Variants in ABR observed in about 807,000 individuals in gnomAD.
ABR encodes active breakpoint cluster region-related protein.
A neutral mutation model predicts 107.2 loss-of-function variants in ABR; 35 were observed. The ratio of observed to expected loss-of-function variants is 0.33; its 90% CI spans 0.25 to 0.43. ABR has a LOEUF of 0.43. ABR is among the 20% of genes least tolerant of loss of function. The pLI, the probability that ABR is intolerant of heterozygous loss-of-function variation, is 1.00. For missense variants in ABR, 815 were observed against 1,115.2 expected (o/e 0.73, Z 3.83); for synonymous variants, 498 against 462.0 (o/e 1.08, Z -1.00).
chr17:1,221,754 A>G (rs80105057), intron 1 of ABR, among the ~76,000 whole-genome samples: 1 of 152,162 alleles, frequency 6.6e-6, no homozygotes, highest in African/African-American at 2.4e-5. Flanking sequence ...ATCTGCGTAG[A>G]AAACAGAATA....
chr17:1,010,768 G>A lies in ABR; in HGVS notation c.2197C>T (p.Leu733Phe). The A allele has an allele frequency of 1.2e-5, 19 of 1,613,686 alleles. No homozygotes were observed. Among genetic ancestry groups the A allele is most frequent in the Non-Finnish European group, 1.5e-5 (18 of 1,180,030 alleles). Residue 733 changes from leucine (L) to phenylalanine (F), a missense_variant, in exon 20 of 23, where the codon CTC (leucine) becomes TTC (phenylalanine). Coordinates refer to ENST00000302538, the MANE Select transcript of ABR (RefSeq NM_021962.5). This position sits in a 1 kb window ranked among gnomAD's most constrained non-coding sequence, Gnocchi z 4.1. ...AAGGCTGGGTAGAGTCGGTCCGTGA[G>A]GAGCGGCTCGGGCAGTTCCCGGAAG... is the stretch of plus-strand genomic sequence containing the variant. ...LYFRELPEPL[L>F]TDRLYPAFME...
At chr17:1,096,868 G>C (rs985466664) in intron 3 of ABR, among the ~76,000 whole-genome samples, 3 of 144,872 alleles carry the variant, frequency 2.1e-5, no homozygotes, top group African/African-American at 7.7e-5. Flanking sequence ...GGGAATGGGG[G>C]AACCTGCCCC....
At chr17:1,221,579 A>C (rs570061853) in intron 1 of ABR, among the ~76,000 whole-genome samples, 1 of 152,300 alleles carries the variant, frequency 6.6e-6, no homozygotes, top group South Asian at 2.1e-4. Context: ...GTTTTGTCAT[A>C]TACAGCAAAC....
rs1260526277 is a variant in ABR at position 1,004,815 on chromosome 17, G to A, written c.*1265C>T. On this transcript the variant is annotated 3_prime_UTR_variant, in exon 23 of 23. Coordinates refer to ENST00000302538, the MANE Select transcript of ABR (RefSeq NM_021962.5). The stretch of plus-strand genomic sequence containing the variant: ...CCAAAAGGCTGTATCCAGAAGCTGG[G>A]GCGGCACCACAATGGCTGGCCACCG... The A allele has an allele frequency of 1.6e-5, 6 of 386,124 alleles. No homozygotes were observed. Among genetic ancestry groups the A allele is most frequent in the African/African-American group, 1.2e-4 (6 of 48,426 alleles). The allele number at this position is 386,124 out of a possible 1,614,324, so 23.9% of individuals were successfully genotyped here.
At chr17:1,104,263 G>A (rs1017173270) in intron 2 of ABR, among the ~76,000 whole-genome samples, 1 of 152,166 alleles carries the variant, frequency 6.6e-6, no homozygotes, top group South Asian at 2.1e-4. Context: ...GCTTGAAGCC[G>A]CCAAACCAAA....
chr17:1,066,932 A>C (rs937040840), intron 10 of ABR, 145 bp downstream of exon 10: 1 of 769,708 alleles, frequency 1.3e-6, no homozygotes, highest in Non-Finnish European at 2.1e-6. Flanking sequence ...ATCTGCTTGG[A>C]GCTACTGTAG....
intron 3 of ABR, among the ~76,000 whole-genome samples, chr17:1,099,732 A>T (rs555076051): frequency 3.3e-4 from 50 of 152,158 alleles, no homozygotes; most frequent in Middle Eastern, 3.2e-3. Flanking sequence ...TTCCCCTCCC[A>T]ATCAGACTCT....
chr17:1,014,529 ACT>A (rs1176020071), intron 16 of ABR, among the ~76,000 whole-genome samples: 1 of 151,002 alleles, frequency 6.6e-6, no homozygotes, highest in Non-Finnish European at 1.5e-5. Flanking sequence ...ATTATATAAA[ACT>A]CTCAAAATTC....
At chr17:1,171,322 C>A (rs1401585807) in intron 1 of ABR, among the ~76,000 whole-genome samples, 1 of 152,160 alleles carries the variant, frequency 6.6e-6, no homozygotes, top group Non-Finnish European at 1.5e-5. Flanking sequence ...ACAGAAGCAG[C>A]CCTTCAATCC....
Position 1,054,497 on chromosome 17 carries a change from A to AGGAACCTGAG in ABR, c.1561+1537_1561+1538insCTCAGGTTCC, listed in dbSNP as rs1567662064. On this transcript the variant is annotated intron_variant, in intron 14 of 22. Coordinates refer to ENST00000302538, the MANE Select transcript of ABR (RefSeq NM_021962.5). ...GGGATGGGGGCACAAGGAACCTCAA[A>AGGAACCTGAG]GGGATGGGGATACAAGGAACCTCAG... is the stretch of plus-strand genomic sequence containing the variant. Among the ~76,000 whole-genome samples the AGGAACCTGAG allele has an allele frequency of 1.9e-4, 25 of 129,616 alleles. 1 individual carries two copies. Among genetic ancestry groups the AGGAACCTGAG allele is most frequent in the African/African-American group, 7.8e-4 (23 of 29,566 alleles). 85.0% of individuals were successfully genotyped at this position (129,616 alleles called of 152,430 possible).
At chr17:1,195,934 G>T (rs1277662995) in intron 1 of ABR, among the ~76,000 whole-genome samples, 2 of 150,818 alleles carry the variant, frequency 1.3e-5, no homozygotes, top group African/African-American at 4.9e-5. Context: ...TGCGAGACGA[G>T]CCTGGGCAAC....
In ABR at chr17:1,061,357, G is replaced by A. The variant is rs113442608; in HGVS notation, c.1183-2490C>T. The stretch of plus-strand genomic sequence containing the variant: ...TCAGGAGGGGGACAGCTGTGCTGGC[G>A]AGGAAGCCCTCTGGGCAGATGTACC... On this transcript the variant is annotated intron_variant, in intron 10 of 22. Transcript: ENST00000302538. 8.8e-3 allele frequency among the ~76,000 whole-genome samples: 1,342 copies of A among 152,310 alleles called. 22 individuals carry two copies. The highest frequency in any genetic ancestry group is 0.029 in the African/African-American group (1,208 of 41,564).
chr17:1,200,410 G>C lies in ABR; in HGVS notation c.838+28383C>G, dbSNP rs537248772. On this transcript the variant is annotated intron_variant, in intron 1 of 22. Transcript: ENST00000574139. This position sits in a 1 kb window ranked among gnomAD's most constrained non-coding sequence, Gnocchi z 4.1. ...TTTTTAAATAAAGTCTATGGGAGAC[G>C]TGATTAGGTTACATGTAACTATTAC... Among the ~76,000 whole-genome samples, 1 of 152,158 alleles carries C rather than the reference G, an allele frequency of 6.6e-6. No homozygotes were observed. Among genetic ancestry groups the C allele is most frequent in the East Asian group, 1.9e-4 (1 of 5,176 alleles).
At chr17:1,109,929 G>GC (rs1369085873) in intron 2 of ABR, among the ~76,000 whole-genome samples, 1 of 93,126 alleles carries the variant, frequency 1.1e-5, no homozygotes, top group East Asian at 3.4e-4. Flanking sequence ...CCTCTGAGCA[G>GC]CCCCCCCACT....
intron 1 of ABR, among the ~76,000 whole-genome samples, chr17:1,155,539 A>G (rs968412953): frequency 8.5e-5 from 13 of 152,198 alleles, no homozygotes; most frequent in African/African-American, 3.1e-4. Flanking sequence ...AACAGAGAGC[A>G]CGGGGGAACC....
intron 1 of ABR, among the ~76,000 whole-genome samples, chr17:1,158,982 G>C (rs2041153062): frequency 6.6e-6 from 1 of 152,014 alleles, no homozygotes; most frequent in South Asian, 2.1e-4. Context: ...GGGACTCACA[G>C]TCCTCTGGCG....
At chr17:1,112,171 A>G (rs780334785) in intron 2 of ABR, among the ~76,000 whole-genome samples, 1 of 152,136 alleles carries the variant, frequency 6.6e-6, no homozygotes, top group Non-Finnish European at 1.5e-5. Context: ...TCATTCATTC[A>G]TTCATACCCA....
chr17:1,189,240 T>C (rs559871964), upstream of ABR, among the ~76,000 whole-genome samples: 2 of 152,248 alleles, frequency 1.3e-5, no homozygotes, highest in Non-Finnish European at 2.9e-5. Context: ...GAAGATCAAT[T>C]AGAGGAAAGA....
intron 1 of ABR, among the ~76,000 whole-genome samples, chr17:1,134,550 T>C (rs1000465379): frequency 2.0e-5 from 3 of 152,166 alleles, no homozygotes; most frequent in African/African-American, 2.4e-5. Flanking sequence ...TCCCTATATA[T>C]TGGGTTTTCT....
Sources: gnomAD v4.1 joint callset for allele counts (sites outside exome capture counted in the v4.1 genomes callset) on GRCh38, gnomAD v4.1.1 for gene constraint, Gnocchi (gnomAD v3.1) non-coding constraint, MANE v1.5 for transcripts, NCBI Gene and HGNC (gene_info 2026-07-23, HGNC 2026-07-21) for gene names.